Variants in COL11A1 observed in about 807,000 individuals in gnomAD.
The protein encoded by COL11A1 is collagen alpha-1(XI) chain.
Under a neutral mutation model 265.2 loss-of-function variants are expected in COL11A1, and 74 were observed. The ratio of observed to expected loss-of-function variants is 0.28; its 90% CI spans 0.23 to 0.34. The LOEUF is 0.34. Ranked by LOEUF, COL11A1 falls within the 10% of genes least tolerant of loss-of-function variation. The probability of loss-of-function intolerance (pLI) is 1.00; values close to 1 mark genes in which losing one functional copy is unlikely to be tolerated. For synonymous variants in COL11A1, 816 were observed against 727.6 expected, an observed-to-expected ratio of 1.12 and a Z score of -1.96; for missense variants, 2,165 against 2,263.6, an observed-to-expected ratio of 0.96 and a Z score of 0.88.
intron 4 of COL11A1, among the ~76,000 whole-genome samples, chr1:103,063,123 C>A (rs192361577): frequency 5.9e-5 from 9 of 152,116 alleles, no homozygotes; most frequent in Admixed American, 5.9e-4. Context: ...TCAATACTGT[C>A]AAGATGTCAG....
chr1:103,030,707 T>C (rs746294988), intron 5 of COL11A1, among the ~76,000 whole-genome samples: 1 of 152,132 alleles, frequency 6.6e-6, no homozygotes, highest in African/African-American at 2.4e-5. Context: ...ATAGTTCTAA[T>C]GTCACTTTCT....
chr1:103,034,347 C>G (rs1668201243), intron 4 of COL11A1, among the ~76,000 whole-genome samples: 1 of 151,878 alleles, frequency 6.6e-6, no homozygotes, highest in Admixed American at 6.6e-5. Flanking sequence ...TCGGTGGTGT[C>G]CCGCACTGAG....
chr1:102,927,605 T>C (rs1025048000), intron 46 of COL11A1, among the ~76,000 whole-genome samples: 10 of 151,792 alleles, frequency 6.6e-5, no homozygotes, highest in Admixed American at 4.6e-4. Context: ...AGCAGGCCAC[T>C]GCACTGCAGC....
intron 42 of COL11A1, among the ~76,000 whole-genome samples, chr1:102,943,523 C>G (rs115549181): frequency 0.033 from 4,991 of 151,556 alleles, 306 homozygotes; most frequent in African/African-American, 0.12. Flanking sequence ...TTATTAGATG[C>G]TTTCAGAACT....
At chr1:102,990,557 A>G (rs1167584366) in intron 28 of COL11A1, among the ~76,000 whole-genome samples, 1 of 152,040 alleles carries the variant, frequency 6.6e-6, no homozygotes, top group Non-Finnish European at 1.5e-5. Flanking sequence ...AATATTTTCT[A>G]TCATTCTTAT....
chr1:103,084,164 A>G (rs1371728617), intron 1 of COL11A1, among the ~76,000 whole-genome samples: 1 of 152,150 alleles, frequency 6.6e-6, no homozygotes, highest in African/African-American at 2.4e-5. Flanking sequence ...TACACTCACA[A>G]TATTGTACAA....
chr1:102,905,300 C>T (rs931155162), intron 54 of COL11A1, among the ~76,000 whole-genome samples: 1 of 149,702 alleles, frequency 6.7e-6, no homozygotes. Context: ...GTGCAGCACA[C>T]CAACATGGCA....
chr1:102,979,698 CTT>C lies in COL11A1; in HGVS notation c.2557-265_2557-264del, dbSNP rs146469097. 1,601 of 502,014 alleles carry C rather than the reference CTT, an allele frequency of 3.2e-3. 12 individuals carry two copies. Among genetic ancestry groups the C allele is most frequent in the African/African-American group, 0.028 (1,445 of 51,160 alleles). 31.1% of individuals were successfully genotyped at this position (502,014 alleles called of 1,614,324 possible). A position where few individuals can be genotyped will look rare whatever the true frequency, so the allele number is the denominator to read the frequency against. On this transcript the variant is annotated intron_variant, in intron 31 of 66. Transcript: ENST00000370096. Reference sequence around the variant, plus strand: ...GAATTAATCAAGTATTATTTCATCTCTTGTTATAAAACAGTAATTATAGGACA... The same window carrying C: ...GAATTAATCAAGTATTATTTCATCTCGTTATAAAACAGTAATTATAGGACA...
In COL11A1 at chr1:102,879,821, G is replaced by A. The variant is rs143001188; in HGVS notation, c.5136C>T (p.Tyr1712=). 19 of 1,613,906 alleles carry A rather than the reference G, an allele frequency of 1.2e-5. No individual in the cohort carries two copies. The African/African-American group carries it at 2.5e-4, about 22-fold the overall frequency. Reference sequence around the variant, plus strand: ...ACCAGGCTGCTGACTGATGACAGTGGTAGGTGAAATTTTGCCGAGCAGAGG... The same window carrying A: ...ACCAGGCTGCTGACTGATGACAGTGATAGGTGAAATTTTGCCGAGCAGAGG... ...LTASARQNFT[Y]HCHQSAAWYD... The change falls in exon 66 of 67, where the codon TAC becomes TAT. Residue 1712 remains tyrosine (Y), a synonymous_variant. Coordinates refer to ENST00000370096, the MANE Select transcript of COL11A1 (RefSeq NM_001854.4).
chr1:103,107,620 A>T (rs1674811316), intron 1 of COL11A1, among the ~76,000 whole-genome samples: 1 of 151,780 alleles, frequency 6.6e-6, no homozygotes, highest in South Asian at 2.1e-4. Context: ...ATCAAGGTTC[A>T]TTTTATACCC....
At chr1:103,106,201 A>C (rs1205766516) in intron 1 of COL11A1, among the ~76,000 whole-genome samples, 1 of 152,210 alleles carries the variant, frequency 6.6e-6, no homozygotes, top group East Asian at 1.9e-4. Context: ...TCGCCACAGA[A>C]AGGCTCAATG....
At chr1:102,926,490 A>G (rs1188600154) in intron 46 of COL11A1, among the ~76,000 whole-genome samples, 3 of 152,162 alleles carry the variant, frequency 2.0e-5, no homozygotes, top group African/African-American at 7.2e-5. Context: ...ATAATTGCTA[A>G]TATCTATTCT....
chr1:103,078,187 T>A (rs915499992), intron 3 of COL11A1, among the ~76,000 whole-genome samples: 15 of 152,038 alleles, frequency 9.9e-5, no homozygotes, highest in Non-Finnish European at 1.8e-4. Flanking sequence ...ATCCTCATCA[T>A]CCCACTCTTC....
Position 103,067,715 on chromosome 1 carries a change from T to C in COL11A1, c.651+6903A>G, listed in dbSNP as rs145386828. ...AGTTTCAAGTACCTGTTCAAATTAT[T>C]GATCTGGGGGGAAAATACAAATTAT... On this transcript the variant is annotated intron_variant, in intron 4 of 66. Coordinates refer to ENST00000370096, the MANE Select transcript of COL11A1 (RefSeq NM_001854.4). 1.1e-3 allele frequency among the ~76,000 whole-genome samples: 173 copies of C among 151,738 alleles called. 1 individual carries two copies. The highest frequency in any genetic ancestry group is 4.0e-3 in the African/African-American group (166 of 41,530).
intron 38 of COL11A1, among the ~76,000 whole-genome samples, chr1:102,963,079 A>C (rs1438593756): frequency 6.6e-6 from 1 of 152,164 alleles, no homozygotes; most frequent in Non-Finnish European, 1.5e-5. Context: ...TATGATTTTT[A>C]ATTACAGTTT....
chr1:102,913,443 A>C (rs921245446), intron 53 of COL11A1, among the ~76,000 whole-genome samples, 194 bp downstream of exon 53: 1 of 152,182 alleles, frequency 6.6e-6, no homozygotes, highest in African/African-American at 2.4e-5. Context: ...ACTGTTTATT[A>C]ATTTACATCA....
intron 1 of COL11A1, among the ~76,000 whole-genome samples, chr1:103,099,879 C>T (rs1270739183): frequency 1.3e-5 from 2 of 151,874 alleles, no homozygotes; most frequent in African/African-American, 4.8e-5. Flanking sequence ...AGTCACTACT[C>T]ATGTCACTAC....
At chr1:103,002,359 C>T (rs369194481) in intron 23 of COL11A1, 69 bp downstream of exon 23, 8 of 1,310,644 alleles carry the variant, frequency 6.1e-6, no homozygotes, top group African/African-American at 4.4e-5. Flanking sequence ...GTGAGACTGT[C>T]GATTTTCTTA....
chr1:103,077,212 T>C (rs955278931), intron 3 of COL11A1, among the ~76,000 whole-genome samples: 2 of 152,066 alleles, frequency 1.3e-5, no homozygotes, highest in African/African-American at 4.8e-5. Flanking sequence ...TTGAACATTC[T>C]CCATTTTTTT....
Sources: allele counts gnomAD v4.1 joint callset (sites outside exome capture counted in the v4.1 genomes callset), GRCh38; gene constraint gnomAD v4.1.1; transcripts MANE v1.5; gene names NCBI Gene and HGNC (gene_info 2026-07-23, HGNC 2026-07-21).